Variants in LIMCH1 observed in about 807,000 individuals in gnomAD.
LIMCH1 encodes the protein LIM and calponin homology domains 1.
A neutral mutation model predicts 176.5 loss-of-function variants in LIMCH1; 113 were observed. That is an observed-to-expected ratio of 0.64 (90% CI 0.55 to 0.75). The LOEUF (loss-of-function observed/expected upper bound fraction) is 0.75. Among genes scored for constraint, LIMCH1 ranks in the 30% least tolerant of loss-of-function variants. The pLI is 0.00. For synonymous variants in LIMCH1, 619 were observed against 645.9 expected (o/e 0.96, Z 0.63); for missense variants, 1,674 against 1,814.9 (o/e 0.92, Z 1.41).
rs955298720 is a variant in LIMCH1, at chr4:41,638,929, T to C, written c.2091-3T>C. On this transcript the variant is annotated splice_region_variant and splice_polypyrimidine_tract_variant and intron_variant, in intron 13 of 31. Transcript: ENST00000503057. ...TCCTCTAATTTTTTATTTGATCTTA[T>C]AGATACGGTCCGAGAACTCCTGTGT... The C allele has an allele frequency of 1.2e-6, 2 of 1,607,676 alleles. No individual in the cohort carries two copies. The highest frequency in any genetic ancestry group is 8.5e-7 in the Non-Finnish European group (1 of 1,177,648).
Position 41,676,420 on chromosome 4 carries a change from G to A in LIMCH1, c.3477G>A (p.Arg1159=). Reference sequence around the variant, plus strand: ...CATGGGACCCAGAAGAGGAGCGCAGGCGACAGGAAAAATGGCAACAGGAAC... The same window carrying A: ...CATGGGACCCAGAAGAGGAGCGCAGACGACAGGAAAAATGGCAACAGGAAC... ...FWAWDPEEER[R]RQEKWQQEQE... The change falls in exon 23 of 32, where the codon AGG becomes AGA. Residue 1159 remains arginine (R), a synonymous_variant. Coordinates refer to ENST00000503057, the MANE Select transcript of LIMCH1 (RefSeq NM_001330672.2). The A allele has an allele frequency of 6.2e-7, 1 of 1,614,038 alleles. No homozygotes were observed. Among genetic ancestry groups the A allele is most frequent in the Non-Finnish European group, 8.5e-7 (1 of 1,179,930 alleles).
chr4:41,690,512 A>G (rs543757341), intron 30 of LIMCH1, among the ~76,000 whole-genome samples: 36 of 152,322 alleles, frequency 2.4e-4, no homozygotes, highest in African/African-American at 7.9e-4. Context: ...ATAATTTTTG[A>G]AGGCGAACCC....
At chr4:41,597,964 C>T (rs939492948) in intron 1 of LIMCH1, among the ~76,000 whole-genome samples, 2 of 152,156 alleles carry the variant, frequency 1.3e-5, no homozygotes, top group Non-Finnish European at 2.9e-5. Context: ...TCTGTAATCA[C>T]CACCATCGTT....
intron 2 of LIMCH1, among the ~76,000 whole-genome samples, chr4:41,516,445 C>G (rs1273770705): frequency 6.6e-6 from 1 of 152,200 alleles, no homozygotes; most frequent in Non-Finnish European, 1.5e-5. Flanking sequence ...TTTATAATCC[C>G]AAATCTACCG....
intron 1 of LIMCH1, among the ~76,000 whole-genome samples, chr4:41,404,436 A>G (rs897339572): frequency 2.0e-5 from 3 of 152,142 alleles, no homozygotes; most frequent in Non-Finnish European, 4.4e-5. Flanking sequence ...GGCAGTGCCA[A>G]CCACTTCAGT....
At chr4:41,630,972 G>C (rs561097191) in intron 9 of LIMCH1, among the ~76,000 whole-genome samples, 176 bp from the exon 10 acceptor site, 9 of 152,090 alleles carry the variant, frequency 5.9e-5, no homozygotes, top group Non-Finnish European at 1.0e-4. Context: ...AAACTTTGTG[G>C]AATTTTTTTC....
chr4:41,417,939 T>A (rs2154128134), intron 1 of LIMCH1, among the ~76,000 whole-genome samples: 1 of 152,364 alleles, frequency 6.6e-6, no homozygotes, highest in South Asian at 2.1e-4. Context: ...CTATCCATTT[T>A]CTTAAAAAGA....
At chr4:41,496,295 A>G (rs1248822563) in intron 2 of LIMCH1, among the ~76,000 whole-genome samples, 2 of 152,192 alleles carry the variant, frequency 1.3e-5, no homozygotes, top group Non-Finnish European at 2.9e-5. Context: ...CTCTAATCAC[A>G]GGGGATTAGA....
intron 21 of LIMCH1, chr4:41,671,058 T>TAA (rs76648075): frequency 0.01 from 6,313 of 609,534 alleles, 5 homozygotes; most frequent in South Asian, 0.014. Flanking sequence ...CCCCTGCCTT[T>TAA]AAAAAAAAAA....
At chr4:41,382,277 G>A (rs981078318) in intron 1 of LIMCH1, among the ~76,000 whole-genome samples, 6 of 152,034 alleles carry the variant, frequency 3.9e-5, no homozygotes, top group African/African-American at 1.5e-4. Context: ...AAGTAGATTT[G>A]TAGGTAGAGT....
At chr4:41,554,464 C>T (rs2080966067) in intron 1 of LIMCH1, among the ~76,000 whole-genome samples, 1 of 152,128 alleles carries the variant, frequency 6.6e-6, no homozygotes, top group African/African-American at 2.4e-5. Flanking sequence ...GTCAGTATTT[C>T]TTCCTAAAAT....
chr4:41,468,084 A>G (rs2066411507), intron 1 of LIMCH1, among the ~76,000 whole-genome samples: 1 of 152,226 alleles, frequency 6.6e-6, no homozygotes, highest in Non-Finnish European at 1.5e-5. Flanking sequence ...CAAAGCTTAC[A>G]TGTTTGCTTT....
At chr4:41,546,641 T>C (rs1561700723) in intron 1 of LIMCH1, among the ~76,000 whole-genome samples, 1 of 152,202 alleles carries the variant, frequency 6.6e-6, no homozygotes, top group Non-Finnish European at 1.5e-5. Context: ...CCTGATTTTC[T>C]GTTCCACTTA....
At chr4:41,419,937 C>T (rs1300184116) in intron 1 of LIMCH1, among the ~76,000 whole-genome samples, 5 of 151,966 alleles carry the variant, frequency 3.3e-5, no homozygotes, top group African/African-American at 4.8e-5. Context: ...AAGAAACTGA[C>T]ATTTTGGTGC....
intron 23 of LIMCH1, 83 bp downstream of exon 23, chr4:41,676,545 G>A (rs997940960): frequency 2.1e-6 from 2 of 963,414 alleles, no homozygotes; most frequent in Non-Finnish European, 1.7e-6. Flanking sequence ...TTTAGCACAG[G>A]AAATGAATGG....
At chr4:41,596,400 A>G (rs1205771301) in intron 1 of LIMCH1, among the ~76,000 whole-genome samples, 6 of 152,126 alleles carry the variant, frequency 3.9e-5, no homozygotes. Context: ...TAAGACTGGC[A>G]TGGTTTGCAT....
intron 1 of LIMCH1, among the ~76,000 whole-genome samples, chr4:41,490,348 A>G (rs892892197): frequency 3.6e-4 from 53 of 148,066 alleles, no homozygotes; most frequent in Admixed American, 1.4e-3. Context: ...GCAGGGTCAT[A>G]GGATAATAGT....
intron 1 of LIMCH1, among the ~76,000 whole-genome samples, chr4:41,481,971 C>A (rs536536956): frequency 5.5e-4 from 83 of 152,202 alleles, no homozygotes; most frequent in Admixed American, 1.2e-3. Context: ...CTGCCTCAGC[C>A]TCCTGAATAG....
chr4:41,360,738 A>C, upstream of LIMCH1: 2 of 699,890 alleles, frequency 2.9e-6, no homozygotes, highest in Non-Finnish European at 2.1e-6. This position sits in a 1 kb window ranked among gnomAD's most constrained non-coding sequence, Gnocchi z 4.5. Context: ...AGAGGCGGGG[A>C]GGGGAGGCCG....
Sources: allele counts gnomAD v4.1 joint callset (sites outside exome capture counted in the v4.1 genomes callset), GRCh38; gene constraint gnomAD v4.1.1; non-coding constraint Gnocchi (gnomAD v3.1); transcripts MANE v1.5; gene names NCBI Gene and HGNC (gene_info 2026-07-23, HGNC 2026-07-21).